The following KALRN variants were observed in gnomAD, a reference collection of about 807,000 sequenced individuals.
KALRN encodes kalirin RhoGEF kinase, also known as kalirin.
KALRN carries 70 observed loss-of-function variants against 353.7 expected under a neutral mutation model. The observed-to-expected ratio is 0.20, with a 90% CI of 0.16 to 0.24. The LOEUF (loss-of-function observed/expected upper bound fraction) is 0.24. Among genes scored for constraint, KALRN ranks in the 10% least tolerant of loss-of-function variants. The pLI is 1.00. For missense variants in KALRN, 2,791 were observed against 3,756.7 expected, an observed-to-expected ratio of 0.74 and a Z score of 6.72; for synonymous variants, 1,391 against 1,434.8, an observed-to-expected ratio of 0.97 and a Z score of 0.69.
chr3:124,608,078 G>A (rs1005641611), intron 34 of KALRN, among the ~76,000 whole-genome samples: 4 of 149,154 alleles, frequency 2.7e-5, no homozygotes, highest in African/African-American at 7.4e-5. Context: ...TCCTGATCTC[G>A]GCTCACTCCA....
At chr3:124,691,689 T>C (rs1344393339) in intron 51 of KALRN, among the ~76,000 whole-genome samples, 1 of 152,226 alleles carries the variant, frequency 6.6e-6, no homozygotes, top group African/African-American at 2.4e-5. Flanking sequence ...TGTTAACATT[T>C]AGAAAATATT....
chr3:124,631,520 A>G (rs1336782735), intron 34 of KALRN, among the ~76,000 whole-genome samples: 2 of 152,094 alleles, frequency 1.3e-5, no homozygotes, highest in East Asian at 3.9e-4. Context: ...TTCATATCCC[A>G]TACACACATA....
At chr3:124,077,432 C>G (rs1166805803) in intron 1 of KALRN, among the ~76,000 whole-genome samples, 5 of 152,160 alleles carry the variant, frequency 3.3e-5, no homozygotes, top group African/African-American at 9.7e-5. Flanking sequence ...TTCATTCCTA[C>G]TCTTTCCCAT....
Position 124,713,086 on chromosome 3 carries a change from C to T in KALRN, c.8227C>T (p.Leu2743Phe). 1 of 1,614,138 alleles carries T rather than the reference C, an allele frequency of 6.2e-7. No individual in the cohort carries two copies. Residue 2743 changes from leucine to phenylalanine, a missense_variant, in exon 58 of 60, where the codon CTC becomes TTC. Transcript: ENST00000682506. The stretch of plus-strand genomic sequence containing the variant: ...CCTACAGCACCCCCAGTACATCACT[C>T]TCCATGACACCTATGAGTCCCCCAC... Reference protein sequence around the residue: ...QHLQHPQYITLHDTYESPTSY... With the variant: ...QHLQHPQYITFHDTYESPTSY...
rs1559898898 is a variant in KALRN at position 124,725,935 on chromosome 3, A to AAG, written c.*6465_*6466insAG. 2 of 152,242 alleles carry AAG rather than the reference A, an allele frequency of 1.3e-5. No individual in the cohort carries two copies. The highest frequency in any genetic ancestry group is 4.8e-5 in the African/African-American group (2 of 41,460). The allele number at this position is 152,242 out of a possible 1,614,324, so 9.4% of individuals were successfully genotyped here. A position where few individuals can be genotyped will look rare whatever the true frequency, so the allele number is the denominator to read the frequency against. On this transcript the variant is annotated 3_prime_UTR_variant, in exon 60 of 60. Coordinates refer to ENST00000682506, the MANE Select transcript of KALRN (RefSeq NM_001388419.1). ...CCATCGCACATATACATATAAGTAC[A>AAG]TACTTCCATCAGGCTTGTAACAATT...
At chr3:124,041,722 AG>A (rs989887307) in intron 1 of KALRN, among the ~76,000 whole-genome samples, 1 of 152,222 alleles carries the variant, frequency 6.6e-6, no homozygotes, top group Non-Finnish European at 1.5e-5. Flanking sequence ...CTGGATGCAG[AG>A]GAAAGTTCAG....
At chr3:124,124,669 C>T (rs900627922) in intron 1 of KALRN, among the ~76,000 whole-genome samples, 1 of 152,232 alleles carries the variant, frequency 6.6e-6, no homozygotes, top group African/African-American at 2.4e-5. Context: ...GCCACAGGCA[C>T]TCCCACCTTC....
intron 1 of KALRN, among the ~76,000 whole-genome samples, chr3:124,139,423 A>G (rs943716374): frequency 6.6e-6 from 1 of 152,126 alleles, no homozygotes; most frequent in African/African-American, 2.4e-5. Context: ...GTTTTAATGC[A>G]TTCATTTCTT....
At chr3:124,498,356 G>A (rs553470159) in intron 33 of KALRN, among the ~76,000 whole-genome samples, 1 of 152,106 alleles carries the variant, frequency 6.6e-6, no homozygotes, top group Admixed American at 6.6e-5. Context: ...TTTCATGTCT[G>A]TCTCAATAGC....
chr3:124,317,716 T>TAAAAA (rs11334433), intron 6 of KALRN, among the ~76,000 whole-genome samples: 1 of 73,032 alleles, frequency 1.4e-5, no homozygotes. Context: ...CAGGCCTTAT[T>TAAAAA]AAAAAAAAAA....
intron 7 of KALRN, among the ~76,000 whole-genome samples, chr3:124,329,541 T>C (rs2080288047): frequency 6.6e-6 from 1 of 152,182 alleles, no homozygotes; most frequent in Non-Finnish European, 1.5e-5. Context: ...CCGTGGAATG[T>C]GGTGAGCTGT....
At chr3:124,286,378 A>G (rs1453155277) in intron 5 of KALRN, among the ~76,000 whole-genome samples, 1 of 150,770 alleles carries the variant, frequency 6.6e-6, no homozygotes, top group African/African-American at 2.4e-5. Context: ...CCGAGTAGCT[A>G]GTAGCTGGAA....
At chr3:124,107,340 C>A (rs2062403222) in intron 1 of KALRN, among the ~76,000 whole-genome samples, 1 of 152,048 alleles carries the variant, frequency 6.6e-6, no homozygotes, top group Admixed American at 6.5e-5. Context: ...ATGGAAACCA[C>A]ATTTTTTTTT....
At chr3:124,071,764 T>G (rs2060030053) in intron 1 of KALRN, among the ~76,000 whole-genome samples, 1 of 152,152 alleles carries the variant, frequency 6.6e-6, no homozygotes, top group Non-Finnish European at 1.5e-5. Flanking sequence ...ACATTGGCCA[T>G]TAAGTTTCAA....
At chr3:124,256,486 C>T (rs2072002270) in intron 3 of KALRN, among the ~76,000 whole-genome samples, 1 of 152,164 alleles carries the variant, frequency 6.6e-6, no homozygotes, top group African/African-American at 2.4e-5. Flanking sequence ...TTTAAGCCTT[C>T]TCCAAAGACA....
chr3:124,218,962 C>T (rs2077608791), intron 1 of KALRN, among the ~76,000 whole-genome samples: 1 of 152,110 alleles, frequency 6.6e-6, no homozygotes, highest in Non-Finnish European at 1.5e-5. Context: ...CTAATATTGA[C>T]TTTAGAAAGT....
chr3:124,137,155 C>T (rs1343133154), intron 1 of KALRN, among the ~76,000 whole-genome samples: 9 of 152,096 alleles, frequency 5.9e-5, no homozygotes, highest in African/African-American at 9.7e-5. Context: ...ACACTGGAGT[C>T]GCCGGTTTTG....
At position 124,632,595 on chromosome 3, in the gene KALRN, T is replaced by C. The variant is rs372258786; in HGVS notation, c.5358T>C (p.Asp1786=). The change falls in exon 35 of 60, where the codon GAT becomes GAC. Residue 1786 remains aspartate, a synonymous_variant. Coordinates refer to ENST00000682506, the MANE Select transcript of KALRN (RefSeq NM_001388419.1). The part of the protein sequence containing the change: ...PVRRLNSGKA[D]GNIKKQKKVR... ...GTCGGCTTAACAGCGGGAAGGCAGA[T>C]GGAAACATCAAAAAGCAGAAGAAAG... 1.1e-4 allele frequency: 180 copies of C among 1,614,098 alleles called. No individual in the cohort carries two copies. The highest frequency in any genetic ancestry group is 1.5e-4 in the Non-Finnish European group (172 of 1,180,034).
intron 36 of KALRN, among the ~76,000 whole-genome samples, chr3:124,635,343 T>TCACC (rs1462893403): frequency 2.0e-5 from 3 of 152,172 alleles, no homozygotes; most frequent in African/African-American, 7.2e-5. Flanking sequence ...TTGCATAAGG[T>TCACC]CACCACCTTC....
Sources: allele counts gnomAD v4.1 joint callset (sites outside exome capture counted in the v4.1 genomes callset), GRCh38; gene constraint gnomAD v4.1.1; transcripts MANE v1.5; gene names NCBI Gene and HGNC (gene_info 2026-07-23, HGNC 2026-07-21).